Variants in DHX33 observed in about 807,000 individuals in gnomAD.
The protein encoded by DHX33 is DEAH-box helicase 33, also known as ATP-dependent RNA helicase DHX33.
A neutral mutation model predicts 72.5 loss-of-function variants in DHX33; 42 were observed. The observed-to-expected ratio is 0.58, with a 90% CI of 0.45 to 0.75. The LOEUF is 0.75. DHX33 is among the 30% of genes least tolerant of loss of function. The pLI is 0.00. For missense variants in DHX33, 842 were observed against 917.5 expected, an observed-to-expected ratio of 0.92 and a Z score of 1.06; for synonymous variants, 358 against 366.1, an observed-to-expected ratio of 0.98 and a Z score of 0.25.
chr17:5,464,798 C>T (rs1350213312), intron 1 of DHX33, among the ~76,000 whole-genome samples: 1 of 152,216 alleles, frequency 6.6e-6, no homozygotes, highest in South Asian at 2.1e-4. Context: ...TGGCCACTCC[C>T]CAGCCTGCTG....
rs1487856669 is a variant in DHX33 at position 5,468,930 on chromosome 17, G to A, written c.-71C>T. 3.2e-5 allele frequency: 48 copies of A among 1,502,778 alleles called. No individual in the cohort carries two copies. Among genetic ancestry groups the A allele is most frequent in the East Asian group, 7.5e-5 (3 of 39,920 alleles). The allele number at this position is 1,502,778 out of a possible 1,614,324, so 93.1% of individuals were successfully genotyped here. On this transcript the variant is annotated 5_prime_UTR_variant, in exon 1 of 12. Transcript: ENST00000225296. ...GCCCCCTCTCAGGTGCAGACAACAG[G>A]AGCACACCGCCCCTTCCTCGCCGCC...
rs758989659 is a variant in DHX33, at chr17:5,448,818, G to A, written c.1806C>T (p.Ile602=). 1.2e-6 allele frequency: 2 copies of A among 1,607,572 alleles called. No homozygotes were observed. Among genetic ancestry groups the A allele is most frequent in the African/African-American group, 2.7e-5 (2 of 74,454 alleles). ...TAGGACCAGACGATACCTTTAAGCA[G>A]ATGTCCCTCAGCTGTGCTCTGACTT... ...VAEVRAQLRD[I]CLKMSMPIAS... Residue 602 remains isoleucine, a synonymous_variant, in exon 11 of 12, where the codon ATC becomes ATT. Transcript: ENST00000225296.
intron 1 of DHX33, among the ~76,000 whole-genome samples, chr17:5,464,716 A>T (rs1315298958): frequency 6.6e-6 from 1 of 152,212 alleles, no homozygotes; most frequent in Admixed American, 6.5e-5. Flanking sequence ...ATAAAATACA[A>T]CCGTTACATA....
rs1916835315 is a variant in DHX33 at position 5,450,240 on chromosome 17, T to C, written c.1691A>G (p.Asn564Ser). Residue 564 changes from asparagine to serine, a missense_variant, in exon 10 of 12, where the codon AAT becomes AGT. Asn to Ser is a conservative substitution (Grantham distance 46). Coordinates refer to ENST00000225296, the MANE Select transcript of DHX33 (RefSeq NM_020162.4). ...TAGGTTTTTGAAGGTCCGATAGATATTGAGCAGGGTCATGTGATCCCCCTC... is the reference window on the plus strand; with the variant it reads ...TAGGTTTTTGAAGGTCCGATAGATACTGAGCAGGGTCATGTGATCCCCCTC... ...SSEGDHMTLL[N>S]IYRTFKNLGG... 4 of 1,614,170 alleles carry C rather than the reference T, an allele frequency of 2.5e-6. No individual in the cohort carries two copies. The highest frequency in any genetic ancestry group is 1.3e-5 in the African/African-American group (1 of 75,028).
At position 5,463,601 on chromosome 17, in the gene DHX33, C is replaced by T; in HGVS notation, c.378G>A (p.Gln126=). The change falls in exon 2 of 12, where the codon CAG becomes CAA. Residue 126 remains glutamine (Q), a synonymous_variant. Transcript: ENST00000225296. ...ISRQGIIAVT[Q]PRRVAAISLA... The stretch of plus-strand genomic sequence containing the variant: ...GAGAGATGGCAGCTACTCGACGAGG[C>T]TGGGTCACAGCAATGATGCCCTGGC... 1 of 1,614,034 alleles carries T rather than the reference C, an allele frequency of 6.2e-7. No individual in the cohort carries two copies. Among genetic ancestry groups the T allele is most frequent in the Non-Finnish European group, 8.5e-7 (1 of 1,180,000 alleles).
intron 3 of DHX33, among the ~76,000 whole-genome samples, chr17:5,461,591 C>CT (rs1567603207): frequency 6.9e-6 from 1 of 144,572 alleles, no homozygotes; most frequent in Non-Finnish European, 1.5e-5. Context: ...ACGCTGCAGC[C>CT]TGGGTAACAG....
At position 5,468,642 on chromosome 17, in the gene DHX33, C is replaced by T; in HGVS notation, c.218G>A (p.Ser73Asn). The T allele has an allele frequency of 6.2e-7, 1 of 1,612,418 alleles. No individual in the cohort carries two copies. Among genetic ancestry groups the T allele is most frequent in the Non-Finnish European group, 8.5e-7 (1 of 1,179,774 alleles). ...CCCCCGCGCTTGGAAGATGGGCAGA[C>T]TCCGGCGCTGCAGCTCCACAGCTTC... ...YPEAVELQRR[S>N]LPIFQARGQL... is the part of the protein sequence containing the mutation. Residue 73 changes from serine to asparagine, a missense_variant, in exon 1 of 12, where the codon AGT (serine) becomes AAT (asparagine). By Grantham distance (46) the Ser-to-Asn change is conservative. Coordinates refer to ENST00000225296, the MANE Select transcript of DHX33 (RefSeq NM_020162.4).
intron 11 of DHX33, 60 bp downstream of exon 11, chr17:5,448,749 T>C (rs1916762670): frequency 5.9e-6 from 8 of 1,359,566 alleles, no homozygotes. Flanking sequence ...AACTTCAAAA[T>C]TTCTACCTTG....
chr17:5,447,624 C>CA (rs113437373), intron 11 of DHX33, among the ~76,000 whole-genome samples: 23,018 of 148,326 alleles, frequency 0.16, 1,818 homozygotes, highest in East Asian at 0.22. Flanking sequence ...AACTCCGTCT[C>CA]AAAAAAAAAG....
chr17:5,461,651 G>T (rs1316697957), intron 3 of DHX33, among the ~76,000 whole-genome samples: 1 of 150,062 alleles, frequency 6.7e-6, no homozygotes, highest in Non-Finnish European at 1.5e-5. Flanking sequence ...TTGTTCAAGT[G>T]ACTCTCCTGC....
chr17:5,460,216 A>G (rs182345280), intron 4 of DHX33, among the ~76,000 whole-genome samples: 86 of 150,878 alleles, frequency 5.7e-4, no homozygotes, highest in Non-Finnish European at 1.0e-3. Context: ...AGGTTTCACC[A>G]TGTTAGTCAG....
Position 5,454,115 on chromosome 17 carries a change from C to G in DHX33, c.1148-135G>C, listed in dbSNP as rs1206530429. ...AAAGCCTCAAGGCTAGCACAATGGA[C>G]AGCACAAAACCAGACTGCTCCGCAG... On this transcript the variant is annotated intron_variant, in intron 6 of 11. Transcript: ENST00000225296. The G allele has an allele frequency of 4.0e-6, 4 of 1,012,610 alleles. No homozygotes were observed. In the African/African-American group the frequency reaches 4.9e-5, roughly 12 times the overall value. The allele number at this position is 1,012,610 out of a possible 1,614,324, so 62.7% of individuals were successfully genotyped here. A position where few individuals can be genotyped will look rare whatever the true frequency, so the allele number is the denominator to read the frequency against.
At chr17:5,458,294 G>A (rs1331870824) in intron 4 of DHX33, among the ~76,000 whole-genome samples, 2 of 151,932 alleles carry the variant, frequency 1.3e-5, no homozygotes, top group Admixed American at 1.3e-4. Flanking sequence ...AACTATACAC[G>A]ACTGGCATAT....
At chr17:5,446,436 G>A (rs903190356) in intron 11 of DHX33, among the ~76,000 whole-genome samples, 1 of 152,090 alleles carries the variant, frequency 6.6e-6, no homozygotes, top group East Asian at 1.9e-4. Flanking sequence ...AACCTGATTA[G>A]GCTTAGTTTC....
In DHX33 at chr17:5,443,568, T is replaced by C. The variant is rs1445306207; in HGVS notation, c.*637A>G. On this transcript the variant is annotated 3_prime_UTR_variant, in exon 12 of 12. Coordinates refer to ENST00000225296, the MANE Select transcript of DHX33 (RefSeq NM_020162.4). Reference sequence around the variant, plus strand: ...TCCACCCTGAGACACAAGCGTTCAGTAGGGATCGCCATCCCAGGAGGTACG... The same window carrying C: ...TCCACCCTGAGACACAAGCGTTCAGCAGGGATCGCCATCCCAGGAGGTACG... The C allele has an allele frequency of 6.6e-6, 1 of 152,436 alleles. No homozygotes were observed. The highest frequency in any genetic ancestry group is 1.9e-4 in the East Asian group (1 of 5,180). 9.4% of individuals were successfully genotyped at this position (152,436 alleles called of 1,614,324 possible). A position where few individuals can be genotyped will look rare whatever the true frequency, so the allele number is the denominator to read the frequency against.
In DHX33 at chr17:5,453,942, T is replaced by G. The variant is rs541801115; in HGVS notation, c.1186A>C (p.Lys396Gln). The change falls in exon 7 of 12, where the codon AAG (lysine) becomes CAG (glutamine). Residue 396 changes from lysine to glutamine, a missense_variant. Lys to Gln is a moderately conservative substitution (Grantham distance 53). Transcript: ENST00000225296. ...LEVLAVQRVS[K>Q]TQAWQRTGRA... ...CCTGTGCGCTGCCAAGCCTGCGTCTTCGATACCCGCTGCACTGCTAACACC... is the reference window on the plus strand; with the variant it reads ...CCTGTGCGCTGCCAAGCCTGCGTCTGCGATACCCGCTGCACTGCTAACACC... 1.8e-5 allele frequency: 29 copies of G among 1,614,128 alleles called. No individual in the cohort carries two copies. The South Asian group carries it at 3.2e-4, about 18-fold the overall frequency.
intron 4 of DHX33, 31 bp downstream of exon 4, chr17:5,460,908 A>G (rs752454024): frequency 6.3e-7 from 1 of 1,589,644 alleles, no homozygotes; most frequent in East Asian, 2.3e-5. Context: ...ATAAAAGAGA[A>G]CTTTTCAGGA....
intron 1 of DHX33, 99 bp from the exon 2 acceptor site, chr17:5,463,788 A>C: frequency 8.2e-7 from 1 of 1,218,626 alleles, no homozygotes. Context: ...TGGGAGGCCG[A>C]GGTAGGAGGC....
intron 3 of DHX33, 44 bp downstream of exon 3, chr17:5,462,275 A>T: frequency 6.4e-7 from 1 of 1,571,128 alleles, no homozygotes; most frequent in Non-Finnish European, 8.7e-7. Context: ...GCATACTTTC[A>T]GGGGAAGTTT....
Sources: gnomAD v4.1 joint callset for allele counts (sites outside exome capture counted in the v4.1 genomes callset) on GRCh38, gnomAD v4.1.1 for gene constraint, MANE v1.5 for transcripts, NCBI Gene and HGNC (gene_info 2026-07-23, HGNC 2026-07-21) for gene names.